ALDH1L2: variants seen among roughly 807,000 people sequenced by gnomAD.
ALDH1L2 encodes aldehyde dehydrogenase 1 family member L2, also known as mitochondrial 10-formyltetrahydrofolate dehydrogenase.
ALDH1L2 carries 91 observed loss-of-function variants against 111.0 expected under a neutral mutation model. That is an observed-to-expected ratio of 0.82 (90% CI 0.69 to 0.98). The LOEUF (loss-of-function observed/expected upper bound fraction) is 0.98. ALDH1L2 is among the 50% of genes least tolerant of loss of function. ALDH1L2 has a pLI of 0.00. For synonymous variants in ALDH1L2, 374 were observed against 392.6 expected (o/e 0.95, Z 0.56); for missense variants, 995 against 1,126.8 (o/e 0.88, Z 1.67).
intron 15 of ALDH1L2, among the ~76,000 whole-genome samples, chr12:105,041,808 G>A (rs1875551455): frequency 6.6e-6 from 1 of 152,112 alleles, no homozygotes; most frequent in African/African-American, 2.4e-5. Context: ...ATGTTCAATT[G>A]TTCTAGATTT....
chr12:105,024,206 T>C lies in ALDH1L2; in HGVS notation c.*218A>G, dbSNP rs1191752348. On this transcript the variant is annotated 3_prime_UTR_variant, in exon 23 of 23. Coordinates refer to ENST00000258494, the MANE Select transcript of ALDH1L2 (RefSeq NM_001034173.4). Reference sequence around the variant, plus strand: ...TTAGAAATACGTATGATATACAACATAGTCAAAATGCAACAACTCCAAATC... The same window carrying C: ...TTAGAAATACGTATGATATACAACACAGTCAAAATGCAACAACTCCAAATC... 3.3e-6 allele frequency: 2 copies of C among 598,624 alleles called. No individual in the cohort carries two copies. The highest frequency in any genetic ancestry group is 6.0e-5 in the Admixed American group (2 of 33,474). 37.1% of individuals were successfully genotyped at this position (598,624 alleles called of 1,614,324 possible).
In ALDH1L2 at chr12:105,024,453, T is replaced by C; in HGVS notation, c.2743A>G (p.Lys915Glu). 6.2e-7 allele frequency: 1 copy of C among 1,613,892 alleles called. No homozygotes were observed. The highest frequency in any genetic ancestry group is 8.5e-7 in the Non-Finnish European group (1 of 1,179,808). The change falls in exon 23 of 23, where the codon AAA (lysine) becomes GAA (glutamate). Residue 915 changes from lysine (K) to glutamate (E), a missense_variant. Lys to Glu is a moderately conservative substitution (Grantham distance 56). Coordinates refer to ENST00000258494, the MANE Select transcript of ALDH1L2 (RefSeq NM_001034173.4). ...LGEEALNEYL[K>E]TKTVTLEY is the part of the protein sequence containing the mutation. Reference sequence around the variant, plus strand: ...TATTCCAGTGTCACCGTCTTGGTTTTGAGATATTCATTTAGAGCTTCCTCA... The same window carrying C: ...TATTCCAGTGTCACCGTCTTGGTTTCGAGATATTCATTTAGAGCTTCCTCA...
At chr12:105,063,198 C>A (rs1288146937) in intron 6 of ALDH1L2, among the ~76,000 whole-genome samples, 176 bp from the exon 7 acceptor site, 1 of 152,148 alleles carries the variant, frequency 6.6e-6, no homozygotes, top group South Asian at 2.1e-4. Flanking sequence ...ACAAGGTGGC[C>A]GGGCACAGTG....
At chr12:105,058,339 C>T in intron 9 of ALDH1L2, 119 bp from the exon 10 acceptor site, 2 of 979,856 alleles carry the variant, frequency 2.0e-6, no homozygotes, top group Non-Finnish European at 2.8e-6. Context: ...CTATTTATAT[C>T]CTATGAGATC....
chr12:105,050,972 A>G (rs1489713484), intron 12 of ALDH1L2, among the ~76,000 whole-genome samples: 2 of 152,162 alleles, frequency 1.3e-5, no homozygotes, highest in East Asian at 1.9e-4. Context: ...TAGGAGATCT[A>G]TTGATCTAGG....
intron 8 of ALDH1L2, 133 bp from the exon 9 acceptor site, chr12:105,061,205 C>T (rs1328406281): frequency 1.5e-5 from 11 of 755,582 alleles, no homozygotes; most frequent in Non-Finnish European, 2.2e-5. Context: ...GATCACATTT[C>T]TCAGCGCCTC....
chr12:105,064,593 TG>T (rs1184537236), intron 6 of ALDH1L2, among the ~76,000 whole-genome samples: 1 of 152,076 alleles, frequency 6.6e-6, no homozygotes, highest in Non-Finnish European at 1.5e-5. Context: ...AGTCTAGTGT[TG>T]GGGGGAATAA....
intron 9 of ALDH1L2, among the ~76,000 whole-genome samples, chr12:105,058,752 T>C (rs1048138755): frequency 5.3e-5 from 8 of 152,222 alleles, no homozygotes; most frequent in Admixed American, 2.6e-4. Flanking sequence ...ACTGTTAGTT[T>C]GTCAAATTAC....
At chr12:105,053,374 C>G (rs1876415587) in intron 10 of ALDH1L2, among the ~76,000 whole-genome samples, 1 of 152,174 alleles carries the variant, frequency 6.6e-6, no homozygotes, top group Non-Finnish European at 1.5e-5. Context: ...CACTTTTTGT[C>G]TGTTACACAT....
chr12:105,061,475 T>C (rs763286176), intron 8 of ALDH1L2, 152 bp downstream of exon 8: 73 of 1,177,210 alleles, frequency 6.2e-5, no homozygotes, highest in Non-Finnish European at 8.1e-5. Context: ...TGTTTAAGCA[T>C]ATGAATTTGG....
At chr12:105,038,419 T>C (rs1875316739) in intron 17 of ALDH1L2, among the ~76,000 whole-genome samples, 1 of 152,036 alleles carries the variant, frequency 6.6e-6, no homozygotes, top group African/African-American at 2.4e-5. Flanking sequence ...GACTCACAAC[T>C]GTCTGGGAGA....
chr12:105,066,652 G>T lies in ALDH1L2; in HGVS notation c.612C>A (p.Leu204=). The T allele has an allele frequency of 6.2e-7, 1 of 1,614,112 alleles. No homozygotes were observed. Residue 204 remains leucine, a synonymous_variant, in exon 5 of 23, where the codon CTC becomes CTA. Transcript: ENST00000258494. ...TACGAGGAGCTTTTCCATCAGCTAT[G>T]AGTTGGACAGCTTCTACCTAAGGCC... is the stretch of plus-strand genomic sequence containing the variant. The part of the protein sequence containing the change: ...GIKAMVEAVQ[L]IADGKAPRIP...
rs370888227 is a variant in ALDH1L2 at position 105,046,433 on chromosome 12, A to C, written c.1863+277T>G. ...AATTGTTGGGCACTTGGCATTTTGC[A>C]AGAATTGAATTGGTTCGTAGAAAGT... On this transcript the variant is annotated intron_variant, in intron 15 of 22. Transcript: ENST00000258494. Among the ~76,000 whole-genome samples the C allele has an allele frequency of 3.2e-4, 49 of 151,562 alleles. No individual in the cohort carries two copies. The South Asian group carries it at 9.6e-3, about 30-fold the overall frequency.
intron 21 of ALDH1L2, among the ~76,000 whole-genome samples, chr12:105,028,531 AG>A (rs1238512102): frequency 6.6e-6 from 1 of 152,256 alleles, no homozygotes; most frequent in African/African-American, 2.4e-5. Flanking sequence ...TGCCTTATGA[AG>A]GAATTTTCAA....
rs142096447 is a variant in ALDH1L2, at chr12:105,061,055, A to G, written c.1065T>C (p.Ile355=). 2 of 1,613,760 alleles carry G rather than the reference A, an allele frequency of 1.2e-6. No homozygotes were observed. The highest frequency in any genetic ancestry group is 2.7e-5 in the African/African-American group (2 of 74,888). The change falls in exon 9 of 23, where the codon ATT becomes ATC. Residue 355 remains isoleucine, a synonymous_variant. Coordinates refer to ENST00000258494, the MANE Select transcript of ALDH1L2 (RefSeq NM_001034173.4). Reference sequence around the variant, plus strand: ...CTTCAATAATGGGGACATTGCTTAAAATTCCAGCCCAGATGACCTACACAA... The same window carrying G: ...CTTCAATAATGGGGACATTGCTTAAGATTCCAGCCCAGATGACCTACACAA... ...AETIKVIWAG[I]LSNVPIIEDS... is the part of the protein sequence containing the mutation.
intron 1 of ALDH1L2, among the ~76,000 whole-genome samples, chr12:105,077,957 C>A (rs965183338): frequency 6.6e-6 from 1 of 152,116 alleles, no homozygotes; most frequent in Admixed American, 6.6e-5. Flanking sequence ...TTCCTGAGAC[C>A]CTGAGGTGCC....
intron 21 of ALDH1L2, 28 bp from the exon 22 acceptor site, chr12:105,026,772 C>G: frequency 6.2e-7 from 1 of 1,608,966 alleles, no homozygotes; most frequent in Non-Finnish European, 8.5e-7. Context: ...CATAAAACTT[C>G]ATTAAATGTA....
intron 7 of ALDH1L2, 116 bp from the exon 8 acceptor site, chr12:105,061,868 A>T: frequency 8.0e-7 from 1 of 1,256,394 alleles, no homozygotes; most frequent in Non-Finnish European, 1.1e-6. Context: ...TATTTGGAAA[A>T]ATACAGATTA....
intron 10 of ALDH1L2, among the ~76,000 whole-genome samples, chr12:105,053,404 C>CT (rs1876416894): frequency 6.6e-6 from 1 of 152,190 alleles, no homozygotes; most frequent in East Asian, 1.9e-4. Flanking sequence ...AAATTGTACT[C>CT]TCTGCCAGTG....
Sources: allele counts gnomAD v4.1 joint callset (sites outside exome capture counted in the v4.1 genomes callset), GRCh38; gene constraint gnomAD v4.1.1; transcripts MANE v1.5; gene names NCBI Gene and HGNC (gene_info 2026-07-23, HGNC 2026-07-21).